The following FRMPD4 variants were observed in gnomAD, a reference collection of about 807,000 sequenced individuals.
FRMPD4 encodes FERM and PDZ domain-containing protein 4.
A neutral mutation model predicts 94.1 loss-of-function variants in FRMPD4; 22 were observed. The ratio of observed to expected loss-of-function variants is 0.23; its 90% CI spans 0.17 to 0.33. The LOEUF is 0.33. Ranked by LOEUF, FRMPD4 falls within the 10% of genes least tolerant of loss-of-function variation. FRMPD4 has a pLI of 1.00. For missense variants in FRMPD4, 1,111 were observed against 1,339.9 expected (o/e 0.83, Z 2.67); for synonymous variants, 631 against 548.6 (o/e 1.15, Z -2.10).
intron 3 of FRMPD4, among the ~76,000 whole-genome samples, chrX:11,983,940 C>T (rs781742461): frequency 1.8e-5 from 2 of 111,965 alleles, no homozygotes; most frequent in East Asian, 5.6e-4. Flanking sequence ...AACTGAGGGT[C>T]CTGGGAATTT....
At chrX:11,987,330 G>T (rs142490830) in intron 3 of FRMPD4, among the ~76,000 whole-genome samples, 2 of 110,733 alleles carry the variant, frequency 1.8e-5, no homozygotes, top group Non-Finnish European at 3.8e-5. Flanking sequence ...CATATGATTA[G>T]TTCAATTGAT....
rs141388705 is a variant in FRMPD4 at position 11,906,485 on chromosome X, T to C, written c.95+28467T>C. ...TTTTCAAAGGTAGTTTTTGCTAAGA[T>C]ATAGAATTCTTGGCTGACAGTTTTT... On this transcript the variant is annotated intron_variant, in intron 3 of 18. Coordinates refer to the FRMPD4 transcript ENST00000640291. Among the ~76,000 whole-genome samples, 425 of 111,913 alleles carry C rather than the reference T, an allele frequency of 3.8e-3. 4 individuals carry two copies. The highest frequency in any genetic ancestry group is 2.8e-3 in the Non-Finnish European group (149 of 53,164).
intron 3 of FRMPD4, among the ~76,000 whole-genome samples, chrX:12,108,859 A>G (rs1408110442): frequency 1.8e-5 from 2 of 112,259 alleles, no homozygotes; most frequent in Non-Finnish European, 3.8e-5. Flanking sequence ...GATCAATTCA[A>G]CAAGAAGACC....
At chrX:12,460,241 A>G (rs374180371) in intron 1 of FRMPD4, among the ~76,000 whole-genome samples, 1 of 111,758 alleles carries the variant, frequency 8.9e-6, no homozygotes, top group East Asian at 2.8e-4. Context: ...TGTCTTCCGA[A>G]AACCAAAAGC....
chrX:12,421,836 G>A (rs1313230922), intron 1 of FRMPD4, among the ~76,000 whole-genome samples: 1 of 108,737 alleles, frequency 9.2e-6, no homozygotes, highest in Non-Finnish European at 1.9e-5. Flanking sequence ...GGAGACCAGT[G>A]AGATGTAAAC....
intron 1 of FRMPD4, among the ~76,000 whole-genome samples, chrX:12,346,039 GTT>G (rs35552186): frequency 0.027 from 2,688 of 98,893 alleles, 114 homozygotes; most frequent in African/African-American, 0.092. Context: ...AAAATCTCTA[GTT>G]TTTTTTTTTT....
chrX:12,411,509 G>T (rs1017426185), intron 1 of FRMPD4, among the ~76,000 whole-genome samples: 1 of 112,271 alleles, frequency 8.9e-6, no homozygotes, highest in African/African-American at 3.2e-5. Flanking sequence ...ACGTAATTCA[G>T]TTGAGGTGAG....
intron 3 of FRMPD4, among the ~76,000 whole-genome samples, chrX:11,976,383 G>T (rs922358732): frequency 9.0e-4 from 101 of 111,890 alleles, no homozygotes; most frequent in African/African-American, 3.0e-3. Flanking sequence ...AAAAGCTATT[G>T]TTTTTCCTTT....
At chrX:12,248,578 A>AT (rs2053988118) in intron 1 of FRMPD4, among the ~76,000 whole-genome samples, 2 of 112,169 alleles carry the variant, frequency 1.8e-5, no homozygotes, top group South Asian at 3.7e-4. Context: ...ATAAGTATGA[A>AT]TTTTTTTTAT....
chrX:12,710,920 A>C (rs1373218453), intron 14 of FRMPD4, among the ~76,000 whole-genome samples: 1 of 111,229 alleles, frequency 9.0e-6, no homozygotes, highest in Non-Finnish European at 1.9e-5. Context: ...TAAATTAATT[A>C]ATTAAAATTA....
rs767328090 is a variant in FRMPD4, at chrX:12,354,720, G to T, written c.42-143960G>T. Among the ~76,000 whole-genome samples, 13 of 111,958 alleles carry T rather than the reference G, an allele frequency of 1.2e-4. No homozygotes were observed. In the South Asian group the frequency reaches 4.1e-3, roughly 35 times the overall value. ...GTCTTTTGAAAATTTAGTTCACTGT[G>T]ATTATTTTTTTCAAGTAGCTGTATA... On this transcript the variant is annotated intron_variant, in intron 1 of 16. Transcript: ENST00000675598.
intron 3 of FRMPD4, among the ~76,000 whole-genome samples, chrX:12,036,470 CTT>C (rs1241435938): frequency 1.8e-5 from 2 of 111,833 alleles, no homozygotes; most frequent in Non-Finnish European, 3.8e-5. Flanking sequence ...AAAGTGGTAT[CTT>C]TGAGAACAAG....
rs182137068 is a variant in FRMPD4, at chrX:12,040,443, A to G, written c.95+162425A>G. ...TGTATATATTTCTCTTGTAGACATC[A>G]TATAGAAGTCTACTGATTTTCAGCC... On this transcript the variant is annotated intron_variant, in intron 3 of 18. Coordinates refer to the FRMPD4 transcript ENST00000640291. Among the ~76,000 whole-genome samples the G allele has an allele frequency of 1.8e-3, 201 of 108,891 alleles. 1 individual carries two copies. Among genetic ancestry groups the G allele is most frequent in the African/African-American group, 6.2e-3 (186 of 29,939 alleles). The allele number at this position is 108,891 out of a possible 115,157, so 94.6% of individuals were successfully genotyped here.
intron 2 of FRMPD4, among the ~76,000 whole-genome samples, chrX:12,574,750 G>A (rs979078301): frequency 2.7e-5 from 3 of 111,602 alleles, no homozygotes; most frequent in East Asian, 2.8e-4. Flanking sequence ...ATCCCACCTC[G>A]GCCTCCCAAA....
At chrX:12,577,214 AAG>A (rs1491015758) in intron 2 of FRMPD4, among the ~76,000 whole-genome samples, 1 of 49,426 alleles carries the variant, frequency 2.0e-5, no homozygotes, top group African/African-American at 8.0e-5. Context: ...AAATCACCAA[AAG>A]AACCTTCCCT....
chrX:12,225,780 T>C (rs1288414095), intron 1 of FRMPD4, among the ~76,000 whole-genome samples: 2 of 112,352 alleles, frequency 1.8e-5, no homozygotes, highest in Non-Finnish European at 3.8e-5. Context: ...ATGAGTTTTC[T>C]AGCAATTTAT....
chrX:12,430,984 G>C (rs2057004005), intron 1 of FRMPD4, among the ~76,000 whole-genome samples: 2 of 112,245 alleles, frequency 1.8e-5, no homozygotes, highest in South Asian at 7.3e-4. Flanking sequence ...ATTACAGAGA[G>C]AAATTCAGTC....
intron 1 of FRMPD4, among the ~76,000 whole-genome samples, chrX:11,848,339 T>G (rs2147286916): frequency 9.0e-6 from 1 of 111,632 alleles, no homozygotes; most frequent in East Asian, 2.8e-4. Flanking sequence ...TTTTTAAAAC[T>G]TGGCTTTCTA....
chrX:12,108,399 G>C (rs1361813764), intron 3 of FRMPD4, among the ~76,000 whole-genome samples: 4 of 112,001 alleles, frequency 3.6e-5, no homozygotes, highest in Non-Finnish European at 7.5e-5. Flanking sequence ...CACCAGGCCT[G>C]CTCTACAAGA....
Sources: gnomAD v4.1 joint callset for allele counts (sites outside exome capture counted in the v4.1 genomes callset) on GRCh38, gnomAD v4.1.1 for gene constraint, MANE v1.5 for transcripts, NCBI Gene and HGNC (gene_info 2026-07-23, HGNC 2026-07-21) for gene names.